FMNL3: variants seen among roughly 807,000 people sequenced by gnomAD.
FMNL3 encodes formin-like protein 3.
FMNL3 carries 57 observed loss-of-function variants against 119.6 expected under a neutral mutation model. The ratio of observed to expected loss-of-function variants is 0.48; its 90% CI spans 0.39 to 0.59. The LOEUF is 0.59. FMNL3 is among the 20% of genes least tolerant of loss of function. FMNL3 has a pLI of 0.00. For synonymous variants in FMNL3, 491 were observed against 507.3 expected (o/e 0.97, Z 0.43); for missense variants, 1,053 against 1,323.5 (o/e 0.80, Z 3.17).
Position 49,636,861 on chromosome 12 carries a change from G to A in FMNL3, c.*8954C>T. 1.2e-6 allele frequency: 2 copies of A among 1,613,356 alleles called. No individual in the cohort carries two copies. Among genetic ancestry groups the A allele is most frequent in the Middle Eastern group, 1.8e-4 (1 of 5,498 alleles). Reference sequence around the variant, plus strand: ...GGGAGGCCTTCCAGGTATCTTTGCTGTCCTTTCTAGATCAGAGCTCAGCTC... The same window carrying A: ...GGGAGGCCTTCCAGGTATCTTTGCTATCCTTTCTAGATCAGAGCTCAGCTC... On this transcript the variant is annotated 3_prime_UTR_variant, in exon 26 of 26. Transcript: ENST00000335154.
At chr12:49,646,666 C>T (rs1314633266) in intron 25 of FMNL3, 3 of 1,534,744 alleles carry the variant, frequency 2.0e-6, no homozygotes, top group Non-Finnish European at 2.6e-6. Flanking sequence ...TGGGGGCTAA[C>T]AGTTTGACTC....
intron 1 of FMNL3, among the ~76,000 whole-genome samples, chr12:49,694,656 A>G (rs951000121): frequency 6.6e-6 from 1 of 152,210 alleles, no homozygotes; most frequent in Non-Finnish European, 1.5e-5. Context: ...CACGCCTGCT[A>G]TCTCAGCACT....
Position 49,641,152 on chromosome 12 carries a change from C to G in FMNL3, c.*4663G>C, listed in dbSNP as rs1942587656. On this transcript the variant is annotated 3_prime_UTR_variant, in exon 26 of 26. Coordinates refer to ENST00000335154, the MANE Select transcript of FMNL3 (RefSeq NM_175736.5). ...CAACTGAGATCACTTTTCTAAGCCT[C>G]TGCTTCACTGGAATGTTGTGAGGCC... 6.6e-6 allele frequency: 1 copy of G among 152,260 alleles called. No individual in the cohort carries two copies. Among genetic ancestry groups the G allele is most frequent in the Non-Finnish European group, 1.5e-5 (1 of 68,068 alleles). 9.4% of individuals were successfully genotyped at this position (152,260 alleles called of 1,614,324 possible). A position where few individuals can be genotyped will look rare whatever the true frequency, so the allele number is the denominator to read the frequency against.
In FMNL3 at chr12:49,650,530, T is replaced by A. The variant is rs563440738; in HGVS notation, c.2000+146A>T. 103 of 907,830 alleles carry A rather than the reference T, an allele frequency of 1.1e-4. No individual in the cohort carries two copies. In the South Asian group the frequency reaches 1.6e-3, roughly 15 times the overall value. 56.2% of individuals were successfully genotyped at this position (907,830 alleles called of 1,614,324 possible). On this transcript the variant is annotated intron_variant, in intron 17 of 25. Transcript: ENST00000335154. The stretch of plus-strand genomic sequence containing the variant: ...GGCTGAACTGCCAGCACAGATGCAG[T>A]AAATTCTAGCCAAGCCAGTGGATGA...
rs376807860 is a variant in FMNL3, at chr12:49,656,721, G to T, written c.791+102C>A. ...AGGAGGGGGCCAAACCAAGGCTCTT[G>T]ACAGGACTCCAAGGCCAGGCAGAAC... On this transcript the variant is annotated intron_variant, in intron 8 of 25. Coordinates refer to ENST00000335154, the MANE Select transcript of FMNL3 (RefSeq NM_175736.5). 4.7e-4 allele frequency: 563 copies of T among 1,189,072 alleles called. 3 individuals are homozygous for T. The highest frequency in any genetic ancestry group is 1.0e-3 in the Middle Eastern group (5 of 4,996). The allele number at this position is 1,189,072 out of a possible 1,614,324, so 73.7% of individuals were successfully genotyped here. A position where few individuals can be genotyped will look rare whatever the true frequency, so the allele number is the denominator to read the frequency against.
chr12:49,702,026 G>C (rs1944923462), intron 1 of FMNL3, among the ~76,000 whole-genome samples: 1 of 152,146 alleles, frequency 6.6e-6, no homozygotes, highest in Non-Finnish European at 1.5e-5. Flanking sequence ...TATACTGGCA[G>C]GGCATGGTGG....
intron 1 of FMNL3, among the ~76,000 whole-genome samples, chr12:49,691,810 G>T (rs1944610041): frequency 6.6e-6 from 1 of 152,082 alleles, no homozygotes; most frequent in South Asian, 2.1e-4. Context: ...AAGACGGGTG[G>T]ATCATTTGAG....
At chr12:49,675,057 T>C (rs1367236709) in intron 1 of FMNL3, among the ~76,000 whole-genome samples, 3 of 152,208 alleles carry the variant, frequency 2.0e-5, no homozygotes, top group African/African-American at 2.4e-5. Context: ...ATATTGGCCA[T>C]GTCCCCAAAG....
In FMNL3 at chr12:49,637,893, T is replaced by A; in HGVS notation, c.*7922A>T. 7.8e-7 allele frequency: 1 copy of A among 1,286,110 alleles called. No homozygotes were observed. Among genetic ancestry groups the A allele is most frequent in the Non-Finnish European group, 1.1e-6 (1 of 893,728 alleles). 79.7% of individuals were successfully genotyped at this position (1,286,110 alleles called of 1,614,324 possible). On this transcript the variant is annotated 3_prime_UTR_variant, in exon 26 of 26. Coordinates refer to ENST00000335154, the MANE Select transcript of FMNL3 (RefSeq NM_175736.5). ...GGCACACTCCCTGCAGAGGACTCCCTGATAAGTCCTGTTTTGCAGAAGCAT... is the reference window on the plus strand; with the variant it reads ...GGCACACTCCCTGCAGAGGACTCCCAGATAAGTCCTGTTTTGCAGAAGCAT...
Position 49,658,495 on chromosome 12 carries a change from C to A in FMNL3, c.552G>T (p.Leu184=). The change falls in exon 6 of 26, where the codon CTG becomes CTT. Residue 184 remains leucine (L), a synonymous_variant. Transcript: ENST00000335154. ...SIEDLQPPSA[L]SAPFTNSLAR... ...CGAGGCTGTTGGTGAAGGGGGCCGACAGGGCGCTGGGTGGCTGCAGGTCCT... is the reference window on the plus strand; with the variant it reads ...CGAGGCTGTTGGTGAAGGGGGCCGAAAGGGCGCTGGGTGGCTGCAGGTCCT... 6.2e-7 allele frequency: 1 copy of A among 1,613,494 alleles called. No individual in the cohort carries two copies. The highest frequency in any genetic ancestry group is 8.5e-7 in the Non-Finnish European group (1 of 1,179,582).
chr12:49,703,037 G>A (rs551323470), intron 1 of FMNL3, among the ~76,000 whole-genome samples: 2 of 152,280 alleles, frequency 1.3e-5, no homozygotes, highest in East Asian at 1.9e-4. Flanking sequence ...AAATGTGAGA[G>A]GAGAAACTGC....
At position 49,646,969 on chromosome 12, in the gene FMNL3, A is replaced by G. The variant is rs771222664; in HGVS notation, c.2912T>C (p.Ile971Thr). 5.6e-6 allele frequency: 9 copies of G among 1,614,096 alleles called. No individual in the cohort carries two copies. Among genetic ancestry groups the G allele is most frequent in the East Asian group, 2.2e-5 (1 of 44,880 alleles). ...GGCCTGGCGCCGCCTCAACTCTGCTATTAACTCCTGCTGTTGCCACTTGTT... is the reference window on the plus strand; with the variant it reads ...GGCCTGGCGCCGCCTCAACTCTGCTGTTAACTCCTGCTGTTGCCACTTGTT... ...QRNKWQQQELIAELRRRQAKE... is the reference protein window; with the variant it reads ...QRNKWQQQELTAELRRRQAKE... Residue 971 changes from isoleucine to threonine, a missense_variant, in exon 25 of 26, where the codon ATA becomes ACA. By Grantham distance (89) the Ile-to-Thr change is moderately conservative (BLOSUM62 -1). Around this residue, in one of 4 missense-constraint regions of FMNL3, gnomAD observed 324 missense variants for 380.9 expected, o/e 0.85. Transcript: ENST00000335154.
At chr12:49,687,881 T>C (rs1944507913) in intron 1 of FMNL3, among the ~76,000 whole-genome samples, 1 of 151,870 alleles carries the variant, frequency 6.6e-6, no homozygotes, top group Non-Finnish European at 1.5e-5. Flanking sequence ...CTCCCTAAAG[T>C]CCTCCACATC....
chr12:49,651,201 G>T lies in FMNL3; in HGVS notation c.1764C>A (p.Val588=). Residue 588 remains valine, a synonymous_variant, in exon 16 of 26, where the codon GTC becomes GTA. Coordinates refer to ENST00000335154, the MANE Select transcript of FMNL3 (RefSeq NM_175736.5). ...ALKPNQISGT[V]FSELDDEKIL... is the part of the protein sequence containing the mutation. ...TCTTCTCATCATCAAGTTCGCTGAA[G>T]ACAGTGCCACTGATCTGGTTGGGTT... 6.2e-7 allele frequency: 1 copy of T among 1,613,746 alleles called. No individual in the cohort carries two copies. Among genetic ancestry groups the T allele is most frequent in the Non-Finnish European group, 8.5e-7 (1 of 1,179,654 alleles).
At chr12:49,661,676 T>G in intron 5 of FMNL3, 1 of 376,242 alleles carries the variant, frequency 2.7e-6, no homozygotes, top group Non-Finnish European at 4.9e-6. Context: ...TGCTCACAGC[T>G]TGGCATTTGG....
Position 49,641,689 on chromosome 12 carries a change from C to G in FMNL3, c.*4126G>C, listed in dbSNP as rs962349607. 3.7e-6 allele frequency: 2 copies of G among 544,708 alleles called. No homozygotes were observed. Among genetic ancestry groups the G allele is most frequent in the African/African-American group, 3.8e-5 (2 of 52,890 alleles). 33.7% of individuals were successfully genotyped at this position (544,708 alleles called of 1,614,324 possible). A position where few individuals can be genotyped will look rare whatever the true frequency, so the allele number is the denominator to read the frequency against. ...AGCAGTTGGGAGACATCTCCCAACC[C>G]CTTCAGCTCTGTGTGACATCCAAAC... is the stretch of plus-strand genomic sequence containing the variant. On this transcript the variant is annotated 3_prime_UTR_variant, in exon 26 of 26. Coordinates refer to ENST00000335154, the MANE Select transcript of FMNL3 (RefSeq NM_175736.5).
rs755789773 is a variant in FMNL3, at chr12:49,650,689, T to G, written c.1987A>C (p.Arg663=). ...TGGGAGCCTCACGTATGAATGGCCC[T>G]GCAGATCTCCTCAGCCGAGCGGCCA... The part of the protein sequence containing the change: ...KAGRSAEEIC[R]AIHTFDLQTL... The change falls in exon 17 of 26, where the codon AGG becomes CGG. Residue 663 remains arginine (R), a synonymous_variant. Coordinates refer to ENST00000335154, the MANE Select transcript of FMNL3 (RefSeq NM_175736.5). 10 of 1,613,334 alleles carry G rather than the reference T, an allele frequency of 6.2e-6. No homozygotes were observed. In the South Asian group the frequency reaches 9.9e-5, roughly 16 times the overall value.
In FMNL3 at chr12:49,657,102, T is replaced by G. The variant is rs1393280967; in HGVS notation, c.694A>C (p.Arg232=). The G allele has an allele frequency of 6.8e-6, 11 of 1,614,064 alleles. No individual in the cohort carries two copies. The highest frequency in any genetic ancestry group is 9.3e-6 in the Non-Finnish European group (11 of 1,180,030). The change falls in exon 7 of 26, where the codon AGA becomes CGA. Residue 232 remains arginine (R), a synonymous_variant. Coordinates refer to ENST00000335154, the MANE Select transcript of FMNL3 (RefSeq NM_175736.5). ...DDVHVCILCL[R]AIMNYQYGFN... is the part of the protein sequence containing the mutation. ...CTTACCTGATAGTTCATGATGGCTC[T>G]GAGACAAAGGATACAGACGTGGACG...
chr12:49,675,153 C>T (rs1944150127), intron 1 of FMNL3, among the ~76,000 whole-genome samples: 1 of 152,150 alleles, frequency 6.6e-6, no homozygotes, highest in Non-Finnish European at 1.5e-5. Context: ...CCCTGAGGTC[C>T]CCAAACCCTG....
Sources: gnomAD v4.1 joint callset for allele counts (sites outside exome capture counted in the v4.1 genomes callset) on GRCh38, gnomAD v4.1.1 for gene constraint, gnomAD v4.1.1 regional missense constraint, MANE v1.5 for transcripts, NCBI Gene and HGNC (gene_info 2026-07-23, HGNC 2026-07-21) for gene names.